The following FGF22 variants were observed in gnomAD, a reference collection of about 807,000 sequenced individuals.
The protein encoded by FGF22 is FGF-22.
A neutral mutation model predicts 10.3 loss-of-function variants in FGF22; 11 were observed. The ratio of observed to expected loss-of-function variants is 1.07; its 90% CI spans 0.67 to 1.77. The LOEUF (loss-of-function observed/expected upper bound fraction) is 1.77, where lower values mean the gene tolerates loss of function less well. FGF22 is among the 40% of genes most tolerant of loss of function. The pLI, the probability that FGF22 is intolerant of heterozygous loss-of-function variation, is 0.00. For missense variants in FGF22, 317 were observed against 273.2 expected (o/e 1.16, Z -1.13); for synonymous variants, 136 against 122.1 (o/e 1.11, Z -0.75).
exon 2 of FGF22, chr19:643,286 T>C: frequency 6.2e-7 from 1 of 1,611,262 alleles, no homozygotes; most frequent in Non-Finnish European, 8.5e-7. Flanking sequence ...ATCAAAGCAG[T>C]GTCCTCAGGC....
chr19:643,719 C>A, exon 3 of FGF22: 1 of 926,132 alleles, frequency 1.1e-6, no homozygotes, highest in Non-Finnish European at 1.6e-6. Context: ...CGTGTGCGGG[C>A]GCTGTGGACA....
chr19:642,747 G>A (rs532548079), intron 1 of FGF22, among the ~76,000 whole-genome samples: 13 of 151,804 alleles, frequency 8.6e-5, no homozygotes, highest in African/African-American at 3.1e-4. Context: ...CTGGTCGCTG[G>A]CTCATTGACA....
intron 1 of FGF22, chr19:641,195 GAC>G (rs1435508688): frequency 1.1e-5 from 5 of 456,436 alleles, no homozygotes; most frequent in African/African-American, 6.0e-5. Flanking sequence ...ACCCAGTGGT[GAC>G]AGAGACGCCC....
chr19:641,034 C>G, intron 1 of FGF22: 1 of 380,736 alleles, frequency 2.6e-6, no homozygotes, highest in Non-Finnish European at 5.3e-6. Flanking sequence ...GCTCCGCTGC[C>G]TGACCTGGAA....
intron 1 of FGF22, among the ~76,000 whole-genome samples, chr19:642,846 CCT>C (rs11572877): frequency 0.35 from 52,609 of 151,538 alleles, 9,591 homozygotes; most frequent in East Asian, 0.46. Flanking sequence ...TTGCTGCCCC[CCT>C]GACGTCCGTC....
chr19:643,431 A>C, exon 3 of FGF22: 17 of 1,611,288 alleles, frequency 1.1e-5, no homozygotes, highest in Non-Finnish European at 1.4e-5. Flanking sequence ...CGTGGACTGC[A>C]GGTTCCGGGA....
chr19:642,116 G>C (rs972121770), intron 1 of FGF22, among the ~76,000 whole-genome samples: 2 of 152,148 alleles, frequency 1.3e-5, no homozygotes, highest in Non-Finnish European at 2.9e-5. Flanking sequence ...ATAAACCACC[G>C]GTGTCCCACT....
At chr19:643,175 G>T in intron 1 of FGF22, 60 bp from the exon 2 acceptor site, 2 of 677,826 alleles carry the variant, frequency 3.0e-6, no homozygotes, top group Non-Finnish European at 3.8e-6. Flanking sequence ...GAAGCACAGC[G>T]GACAGCAGCG....
intron 1 of FGF22, 80 bp downstream of exon 1, chr19:640,219 C>A: frequency 2.0e-6 from 2 of 1,001,730 alleles, no homozygotes; most frequent in Non-Finnish European, 2.6e-6. Context: ...CGGTGACCTG[C>A]GCCCGCGGGG....
exon 3 of FGF22, chr19:643,484 C>T (rs1331565867): frequency 6.2e-7 from 1 of 1,611,094 alleles, no homozygotes; most frequent in African/African-American, 1.3e-5. Context: ...CCTCACAGCG[C>T]TGGCGCCGCC....
At chr19:640,608 T>A (rs1194370394) in intron 1 of FGF22, 2 of 154,946 alleles carry the variant, frequency 1.3e-5, no homozygotes, top group African/African-American at 4.8e-5. Context: ...CTGCCCAGGG[T>A]CACACTGACA....
exon 1 of FGF22, chr19:640,127 C>T (rs1262744599): frequency 7.3e-7 from 1 of 1,363,274 alleles, no homozygotes; most frequent in South Asian, 1.7e-5. Flanking sequence ...CCGCTGGCGC[C>T]ACGGCCAGGA....
At chr19:643,679 CT>C in exon 3 of FGF22, 1 of 1,260,604 alleles carries the variant, frequency 7.9e-7, no homozygotes. Context: ...GTTCTTCCCC[CT>C]GCGGGCTCTG....
intron 1 of FGF22, 45 bp downstream of exon 1, chr19:640,184 G>A: frequency 8.2e-7 from 1 of 1,216,302 alleles, no homozygotes; most frequent in Non-Finnish European, 1.0e-6. Flanking sequence ...GGCGGCGGGT[G>A]ACGGCAACGC....
At chr19:641,318 G>T (rs779586677) in intron 1 of FGF22, 65 of 452,940 alleles carry the variant, frequency 1.4e-4, no homozygotes, top group Admixed American at 7.1e-4. Context: ...GGCTCACGTC[G>T]GTAATCCCAG....
Position 640,129 on chromosome 19 carries a change from CGGCCAGGACAGTGAGTGCGGGGCGGCGGG to C in FGF22, c.209_214+23del. On this transcript the variant is annotated splice_donor_variant and splice_donor_5th_base_variant and coding_sequence_variant and intron_variant, in exon 1 of 3. Coordinates refer to ENST00000215530, the Ensembl canonical transcript of FGF22. LOFTEE classifies it high-confidence loss of function. ...GCGTGCAGGGCACCCGCTGGCGCCA[CGGCCAGGACAGTGAGTGCGGGGCGGCGGG>C]GGCCTGGGGTGGGGAGGCGGCGGGT... 7.5e-7 allele frequency: 1 copy of C among 1,334,288 alleles called. No homozygotes were observed. The highest frequency in any genetic ancestry group is 9.6e-7 in the Non-Finnish European group (1 of 1,044,794). 82.7% of individuals were successfully genotyped at this position (1,334,288 alleles called of 1,614,324 possible).
intron 1 of FGF22, 163 bp downstream of exon 1, chr19:640,302 G>GT: frequency 4.7e-6 from 2 of 430,050 alleles, no homozygotes; most frequent in Middle Eastern, 6.3e-4. Flanking sequence ...AGCCTGCCTG[G>GT]TGGGAGGGTT....
chr19:641,030 C>T (rs948397139), intron 1 of FGF22: 30 of 378,532 alleles, frequency 7.9e-5, no homozygotes, highest in African/African-American at 5.6e-4. Context: ...CCTGGCTCCG[C>T]TGCCTGACCT....
exon 1 of FGF22, chr19:639,926 A>G: frequency 8.2e-7 from 1 of 1,223,320 alleles, no homozygotes; most frequent in Non-Finnish European, 1.0e-6. Flanking sequence ...GTGCCGGGTC[A>G]TGCGCCGCCG....
Sources: allele counts gnomAD v4.1 joint callset (sites outside exome capture counted in the v4.1 genomes callset), GRCh38; gene constraint gnomAD v4.1.1; transcripts MANE v1.5; gene names NCBI Gene and HGNC (gene_info 2026-07-23, HGNC 2026-07-21).